The following SLC25A21 variants were observed in gnomAD, a reference collection of about 807,000 sequenced individuals.
The protein encoded by SLC25A21 is mitochondrial 2-oxodicarboxylate carrier.
Under a neutral mutation model 43.8 loss-of-function variants are expected in SLC25A21, and 47 were observed. That is an observed-to-expected ratio of 1.07 (90% CI 0.85 to 1.37). The LOEUF is 1.37. Ranked by LOEUF, SLC25A21 falls within the 40% of genes most tolerant of loss-of-function variation. The probability of loss-of-function intolerance (pLI) is 0.00; values close to 1 mark genes in which losing one functional copy is unlikely to be tolerated. For missense variants in SLC25A21, 352 were observed against 350.2 expected (o/e 1.00, Z -0.04); for synonymous variants, 131 against 121.3 (o/e 1.08, Z -0.52).
intron 1 of SLC25A21, among the ~76,000 whole-genome samples, chr14:37,027,924 T>A (rs1010910804): frequency 6.6e-6 from 1 of 152,174 alleles, no homozygotes; most frequent in African/African-American, 2.4e-5. Context: ...TCTAAAAACT[T>A]TACCTATAAA....
chr14:36,756,573 T>C (rs1205232710), intron 3 of SLC25A21, among the ~76,000 whole-genome samples: 1 of 152,192 alleles, frequency 6.6e-6, no homozygotes, highest in Non-Finnish European at 1.5e-5. Context: ...CTTTCTTGAT[T>C]GGTCACTGCC....
intron 1 of SLC25A21, among the ~76,000 whole-genome samples, chr14:37,026,476 A>G (rs1443744746): frequency 6.6e-6 from 1 of 152,152 alleles, no homozygotes. Flanking sequence ...TGTAAATTCC[A>G]CATATTTTTG....
chr14:36,984,187 T>C (rs1960093965), intron 1 of SLC25A21, among the ~76,000 whole-genome samples: 1 of 152,152 alleles, frequency 6.6e-6, no homozygotes, highest in Non-Finnish European at 1.5e-5. Flanking sequence ...AATCCTAGAA[T>C]AGTGGCAATT....
intron 6 of SLC25A21, among the ~76,000 whole-genome samples, chr14:36,713,997 C>A (rs1025863293): frequency 1.3e-5 from 2 of 151,858 alleles, no homozygotes; most frequent in African/African-American, 4.8e-5. Context: ...AGAGTGAAAG[C>A]AAGACCCTAT....
intron 1 of SLC25A21, among the ~76,000 whole-genome samples, chr14:37,071,406 T>C (rs2138825684): frequency 6.6e-6 from 1 of 152,328 alleles, no homozygotes; most frequent in African/African-American, 2.4e-5. Context: ...AAGACATTCC[T>C]TTTCAATGAG....
chr14:36,908,488 A>G (rs1891593449), intron 1 of SLC25A21, among the ~76,000 whole-genome samples: 1 of 152,212 alleles, frequency 6.6e-6, no homozygotes, highest in Non-Finnish European at 1.5e-5. Flanking sequence ...AAGTCCCAAG[A>G]AATGAGAGTA....
intron 3 of SLC25A21, among the ~76,000 whole-genome samples, chr14:36,804,169 T>C (rs978621954): frequency 9.2e-5 from 14 of 152,210 alleles, no homozygotes; most frequent in African/African-American, 3.4e-4. Context: ...CCCTTTCTGC[T>C]GAAGTTTTCT....
chr14:36,769,986 C>G (rs563020246), intron 3 of SLC25A21, among the ~76,000 whole-genome samples: 2 of 152,140 alleles, frequency 1.3e-5, no homozygotes, highest in Non-Finnish European at 2.9e-5. Flanking sequence ...TCTTTGAGAG[C>G]GGCAGCCACA....
intron 1 of SLC25A21, among the ~76,000 whole-genome samples, chr14:36,912,506 A>G (rs1431416604): frequency 6.6e-6 from 1 of 152,218 alleles, no homozygotes; most frequent in East Asian, 1.9e-4. Flanking sequence ...TTACGGTCCT[A>G]TAACCTGACT....
chr14:36,897,645 T>C (rs928131032), intron 1 of SLC25A21, among the ~76,000 whole-genome samples: 18 of 152,154 alleles, frequency 1.2e-4, no homozygotes, highest in African/African-American at 4.3e-4. Context: ...TACTGCTCTG[T>C]TTTTCCCCAT....
chr14:37,068,957 G>A (rs1199504804), intron 1 of SLC25A21, among the ~76,000 whole-genome samples: 8 of 152,188 alleles, frequency 5.3e-5, no homozygotes, highest in South Asian at 4.2e-4. Context: ...GGCAGATAAC[G>A]AGGTCAGGAG....
chr14:37,140,373 A>T (rs1032683504), intron 1 of SLC25A21, among the ~76,000 whole-genome samples: 4 of 152,204 alleles, frequency 2.6e-5, no homozygotes, highest in Admixed American at 2.6e-4. Context: ...CTGCAGCTTG[A>T]TAATTCTTGG....
chr14:36,945,634 C>T (rs1478638069), intron 1 of SLC25A21, among the ~76,000 whole-genome samples: 1 of 152,102 alleles, frequency 6.6e-6, no homozygotes, highest in Non-Finnish European at 1.5e-5. Flanking sequence ...CTGTGCAATT[C>T]CACTTATATA....
At chr14:37,014,776 C>A (rs776521487) in intron 1 of SLC25A21, among the ~76,000 whole-genome samples, 3 of 152,132 alleles carry the variant, frequency 2.0e-5, no homozygotes, top group African/African-American at 2.4e-5. Context: ...ATTGAAATTA[C>A]TCCTCAATCC....
rs764622508 is a variant in SLC25A21 at position 36,729,522 on chromosome 14, T to C, written c.315A>G (p.Ser105=). 6 of 1,608,790 alleles carry C rather than the reference T, an allele frequency of 3.7e-6. No individual in the cohort carries two copies. Among genetic ancestry groups the C allele is most frequent in the Admixed American group, 1.7e-5 (1 of 59,128 alleles). ...TCTCACTTACCAATGCTGGTGACAG[T>C]GACACATATCCCAGCAATTTCTTGT... ...EQYKKLLGYV[S]LSPALTFAIA... The change falls in exon 5 of 10, where the codon TCA becomes TCG. Residue 105 remains serine (S), a synonymous_variant. Coordinates refer to ENST00000331299, the MANE Select transcript of SLC25A21 (RefSeq NM_030631.4).
At chr14:36,898,248 C>A (rs1314530609) in intron 1 of SLC25A21, among the ~76,000 whole-genome samples, 3 of 152,208 alleles carry the variant, frequency 2.0e-5, no homozygotes, top group Non-Finnish European at 4.4e-5. Context: ...CGCCCCTCCC[C>A]CAGCCTCGCT....
At chr14:37,067,967 G>A (rs1469950902) in intron 1 of SLC25A21, among the ~76,000 whole-genome samples, 1 of 152,246 alleles carries the variant, frequency 6.6e-6, no homozygotes, top group Non-Finnish European at 1.5e-5. Context: ...TGGCCTGCAG[G>A]CCAAATCTAG....
At chr14:36,859,671 C>T (rs746621904) in intron 2 of SLC25A21, among the ~76,000 whole-genome samples, 8 of 152,192 alleles carry the variant, frequency 5.3e-5, no homozygotes, top group East Asian at 3.9e-4. Context: ...CACTGACACA[C>T]GGTGAATATA....
chr14:36,950,274 C>T (rs1892775715), intron 1 of SLC25A21, among the ~76,000 whole-genome samples: 1 of 151,994 alleles, frequency 6.6e-6, no homozygotes, highest in Admixed American at 6.6e-5. Flanking sequence ...GAACTGTGCC[C>T]CCCAATTCAT....
Sources: allele counts gnomAD v4.1 joint callset (sites outside exome capture counted in the v4.1 genomes callset), GRCh38; gene constraint gnomAD v4.1.1; transcripts MANE v1.5; gene names NCBI Gene and HGNC (gene_info 2026-07-23, HGNC 2026-07-21).